The following TASOR2 variants were observed in gnomAD, a reference collection of about 807,000 sequenced individuals.
TASOR2 encodes the protein transcription activation suppressor family member 2.
TASOR2 carries 84 observed loss-of-function variants against 199.5 expected under a neutral mutation model. That is an observed-to-expected ratio of 0.42 (90% CI 0.35 to 0.50). The LOEUF is 0.50. Among genes scored for constraint, TASOR2 ranks in the 20% least tolerant of loss-of-function variants. TASOR2 has a pLI of 0.02. For synonymous variants in TASOR2, 1,103 were observed against 1,046.6 expected (o/e 1.05, Z -1.04); for missense variants, 2,796 against 2,835.9 (o/e 0.99, Z 0.32).
At chr10:5,744,140 T>A (rs1836822420) in intron 14 of TASOR2, 1 of 152,222 alleles carries the variant, frequency 6.6e-6, no homozygotes. Flanking sequence ...AAGACTACAG[T>A]CATGGTGAGA....
intron 1 of TASOR2, among the ~76,000 whole-genome samples, chr10:5,696,514 G>A (rs1472349162): frequency 6.6e-6 from 1 of 152,034 alleles, no homozygotes; most frequent in Non-Finnish European, 1.5e-5. Context: ...ATGCCCCCAC[G>A]TCCAGCTGAT....
Position 5,748,780 on chromosome 10 carries a change from A to G in TASOR2, c.5359A>G (p.Ile1787Val). ...ATCCTTTGATACTTCTGTTTGTGGA[A>G]TAGCCACAGAGCACGTAGAAATTGA... Residue 1787 changes from isoleucine to valine, a missense_variant, in exon 15 of 21, where the codon ATA (isoleucine) becomes GTA (valine). Transcript: ENST00000328090. This position sits in a 1 kb window ranked among gnomAD's most constrained non-coding sequence, Gnocchi z 5.1. 2 of 1,614,180 alleles carry G rather than the reference A, an allele frequency of 1.2e-6. No homozygotes were observed. Among genetic ancestry groups the G allele is most frequent in the Non-Finnish European group, 1.7e-6 (2 of 1,180,032 alleles).
At chr10:5,761,005 A>C (rs934472625) in intron 18 of TASOR2, 1 of 285,826 alleles carries the variant, frequency 3.5e-6, no homozygotes, top group African/African-American at 2.2e-5. Flanking sequence ...CAACGCAATA[A>C]GGCCCACTCG....
intron 10 of TASOR2, among the ~76,000 whole-genome samples, 188 bp downstream of exon 11, chr10:5,727,311 C>T (rs1834172913): frequency 6.6e-6 from 1 of 152,156 alleles, no homozygotes; most frequent in African/African-American, 2.4e-5. Context: ...AGCCTCAGTC[C>T]CATATCTCCA....
rs1332537022 is a variant in TASOR2, at chr10:5,720,045, G to A, written c.-99-499G>A. On this transcript the variant is annotated intron_variant, in intron 3 of 20. Transcript: ENST00000328090. This position sits in a 1 kb window ranked among gnomAD's most constrained non-coding sequence, Gnocchi z 5.3. ...GGATATTTGTCTCAGACGCCCAAAT[G>A]TCCAAAATTTTTGAGTCCATTTTTA... 2.6e-5 allele frequency among the ~76,000 whole-genome samples: 4 copies of A among 152,118 alleles called. No homozygotes were observed. The highest frequency in any genetic ancestry group is 7.2e-5 in the African/African-American group (3 of 41,412).
In TASOR2 at chr10:5,737,449, C is replaced by T. The variant is rs557528510; in HGVS notation, c.1447+1903C>T. Among the ~76,000 whole-genome samples, 147 of 151,684 alleles carry T rather than the reference C, an allele frequency of 9.7e-4. 2 individuals are homozygous for T. The highest frequency in any genetic ancestry group is 8.4e-4 in the South Asian group (4 of 4,786). ...TTTGAGCTCTTCTGCTTGTCCCTCT[C>T]GGGAGTTTATGGTGTGGCTGTACCT... On this transcript the variant is annotated intron_variant, in intron 12 of 20. Coordinates refer to ENST00000328090, the Ensembl canonical transcript of TASOR2. This position sits in a 1 kb window ranked among gnomAD's most constrained non-coding sequence, Gnocchi z 4.9.
intron 1 of TASOR2, chr10:5,709,777 T>G (rs1162699726): frequency 1.1e-6 from 1 of 902,260 alleles, no homozygotes; most frequent in Non-Finnish European, 1.4e-6. Flanking sequence ...TAAAAAATTA[T>G]GATTTCCAGT....
At chr10:5,756,158 C>T (rs376017080) in intron 15 of TASOR2, among the ~76,000 whole-genome samples, 10 of 152,200 alleles carry the variant, frequency 6.6e-5, no homozygotes, top group African/African-American at 1.9e-4. Context: ...GCTGTTTCAA[C>T]TGCATCACCT....
rs140141599 is a variant in TASOR2 at position 5,725,663 on chromosome 10, C to T, written c.351+1130C>T. Reference sequence around the variant, plus strand: ...AGGCATAATGGCCTGCACCTGTAGTCCTGGCTACTCCGAAGGCTGAGGTGG... The same window carrying T: ...AGGCATAATGGCCTGCACCTGTAGTTCTGGCTACTCCGAAGGCTGAGGTGG... On this transcript the variant is annotated intron_variant, in intron 8 of 20. Transcript: ENST00000328090. Among the ~76,000 whole-genome samples, 989 of 152,184 alleles carry T rather than the reference C, an allele frequency of 6.5e-3. 6 individuals are homozygous for T. Among genetic ancestry groups the T allele is most frequent in the Middle Eastern group, 0.017 (5 of 294 alleles).
chr10:5,738,996 G>A lies in TASOR2; in HGVS notation c.1448-622G>A, dbSNP rs1445137767. On this transcript the variant is annotated intron_variant, in intron 12 of 20. Transcript: ENST00000328090. The surrounding 1 kb of genome is among the most constrained non-coding windows in gnomAD (Gnocchi z 4.7). Reference sequence around the variant, plus strand: ...GGTAATGAAAGTAAAATTTTAAAAGGTAATGGAATTAATTGATGATTCTGA... The same window carrying A: ...GGTAATGAAAGTAAAATTTTAAAAGATAATGGAATTAATTGATGATTCTGA... Among the ~76,000 whole-genome samples the A allele has an allele frequency of 6.6e-6, 1 of 152,184 alleles. No homozygotes were observed. Among genetic ancestry groups the A allele is most frequent in the East Asian group, 1.9e-4 (1 of 5,206 alleles).
At chr10:5,691,157 C>CT (rs893326946) in intron 1 of TASOR2, among the ~76,000 whole-genome samples, 5 of 149,868 alleles carry the variant, frequency 3.3e-5, no homozygotes, top group African/African-American at 1.2e-4. Flanking sequence ...CGCCACTGCA[C>CT]TCCAGCCTGA....
chr10:5,720,441 A>G lies in TASOR2; in HGVS notation c.-99-103A>G. 1 of 1,416,144 alleles carries G rather than the reference A, an allele frequency of 7.1e-7. No homozygotes were observed. Among genetic ancestry groups the G allele is most frequent in the Non-Finnish European group, 9.2e-7 (1 of 1,091,054 alleles). The allele number at this position is 1,416,144 out of a possible 1,614,324, so 87.7% of individuals were successfully genotyped here. On this transcript the variant is annotated intron_variant, in intron 3 of 20. Transcript: ENST00000328090. This position sits in a 1 kb window ranked among gnomAD's most constrained non-coding sequence, Gnocchi z 5.3. ...GAGTAACACCCAAGATATATTTCTG[A>G]CTCTAATGTGTTAAATTTCAGGGCT... is the stretch of plus-strand genomic sequence containing the variant.
At chr10:5,761,969 G>A (rs1217122119) in intron 19 of TASOR2, among the ~76,000 whole-genome samples, 1 of 151,826 alleles carries the variant, frequency 6.6e-6, no homozygotes, top group East Asian at 1.9e-4. Context: ...CGGAGGCAGA[G>A]GTTGCTTTTA....
At chr10:5,749,747 C>T (rs758549913) in exon 15 of TASOR2, 5 of 1,614,148 alleles carry the variant, frequency 3.1e-6, no homozygotes, top group Non-Finnish European at 4.2e-6. Flanking sequence ...AATGATATTT[C>T]ACTTATTCTC....
chr10:5,751,573 G>A lies in TASOR2; in HGVS notation c.6606+1546G>A, dbSNP rs965030209. On this transcript the variant is annotated intron_variant, in intron 15 of 20. Transcript: ENST00000328090. The surrounding 1 kb of genome is among the most constrained non-coding windows in gnomAD (Gnocchi z 5.3). ...GGCTTCTGTGTCCTTTTGACAATTCGCCATAATTCTTCGGGCACTTCTTTA... is the reference window on the plus strand; with the variant it reads ...GGCTTCTGTGTCCTTTTGACAATTCACCATAATTCTTCGGGCACTTCTTTA... 6.6e-6 allele frequency among the ~76,000 whole-genome samples: 1 copy of A among 152,190 alleles called. No homozygotes were observed.
At position 5,688,312 on chromosome 10, in the gene TASOR2, A is replaced by G. The variant is rs563384441; in HGVS notation, c.-288+3137A>G. Among the ~76,000 whole-genome samples, 39 of 151,518 alleles carry G rather than the reference A, an allele frequency of 2.6e-4. No individual in the cohort carries two copies. The South Asian group carries it at 6.0e-3, about 23-fold the overall frequency. On this transcript the variant is annotated intron_variant, in intron 1 of 20. Transcript: ENST00000328090. ...TGATCATAGCTCACTACAGCCTCCA[A>G]CTCCTGGGTTCAAACAATCCTGCCT...
intron 1 of TASOR2, chr10:5,709,459 T>G: frequency 9.8e-7 from 1 of 1,017,992 alleles, no homozygotes. Flanking sequence ...TCAGCGAACA[T>G]TTGTTTCTAT....
rs950441960 is a variant in TASOR2 at position 5,685,353 on chromosome 10, C to T, written c.-288+178C>T. 1.1e-4 allele frequency among the ~76,000 whole-genome samples: 16 copies of T among 152,126 alleles called. No individual in the cohort carries two copies. The highest frequency in any genetic ancestry group is 3.6e-4 in the African/African-American group (15 of 41,492). On this transcript the variant is annotated intron_variant, in intron 1 of 20. Coordinates refer to ENST00000328090, the Ensembl canonical transcript of TASOR2. The surrounding 1 kb of genome is among the most constrained non-coding windows in gnomAD (Gnocchi z 5.4). ...GGTCGGCGCCTTCTAGATGACTCAA[C>T]CTTCTGTCCTGCGCTACAACCTGTG... is the stretch of plus-strand genomic sequence containing the variant.
intron 2 of TASOR2, among the ~76,000 whole-genome samples, chr10:5,716,011 C>T (rs1832586742): frequency 6.6e-6 from 1 of 152,168 alleles, no homozygotes; most frequent in Non-Finnish European, 1.5e-5. Flanking sequence ...CTACTACACA[C>T]CTAGGCTGTA....
Sources: allele counts gnomAD v4.1 joint callset (sites outside exome capture counted in the v4.1 genomes callset), GRCh38; gene constraint gnomAD v4.1.1; non-coding constraint Gnocchi (gnomAD v3.1); transcripts MANE v1.5; gene names NCBI Gene and HGNC (gene_info 2026-07-23, HGNC 2026-07-21).